BIK: variants seen among roughly 807,000 people sequenced by gnomAD.
The protein encoded by BIK is bcl-2-interacting killer.
Under a neutral mutation model 12.1 loss-of-function variants are expected in BIK, and 14 were observed. That is an observed-to-expected ratio of 1.16 (90% CI 0.77 to 1.81). The LOEUF is 1.81. Ranked by LOEUF, BIK falls within the 40% of genes most tolerant of loss-of-function variation. The probability of loss-of-function intolerance (pLI) is 0.00; values close to 1 mark genes in which losing one functional copy is unlikely to be tolerated. For synonymous variants in BIK, 86 were observed against 92.3 expected, an observed-to-expected ratio of 0.93 and a Z score of 0.39; for missense variants, 215 against 207.9, an observed-to-expected ratio of 1.03 and a Z score of -0.21.
chr22:43,128,454 C>T (rs1163248313), intron 3 of BIK, 42 bp from the exon 4 acceptor site: 4 of 1,603,612 alleles, frequency 2.5e-6, no homozygotes, highest in Non-Finnish European at 3.4e-6. Flanking sequence ...CCTACCTGCT[C>T]CTGCAGTAAT....
Position 43,128,741 on chromosome 22 carries a change from T to C in BIK, c.390+116T>C. On this transcript the variant is annotated intron_variant, in intron 4 of 4. Coordinates refer to ENST00000216115, the MANE Select transcript of BIK (RefSeq NM_001197.5). ...TCCGTATCATCATCTGTGTCACCTG[T>C]GTCCACATCTGCCTGATCCCATGGG... 2.9e-6 allele frequency: 4 copies of C among 1,399,274 alleles called. No individual in the cohort carries two copies. The South Asian group carries it at 4.2e-5, about 15-fold the overall frequency. 86.7% of individuals were successfully genotyped at this position (1,399,274 alleles called of 1,614,324 possible). A position where few individuals can be genotyped will look rare whatever the true frequency, so the allele number is the denominator to read the frequency against.
chr22:43,116,387 C>T (rs543838724), intron 1 of BIK, among the ~76,000 whole-genome samples: 50 of 152,104 alleles, frequency 3.3e-4, no homozygotes, highest in Non-Finnish European at 5.1e-4. Context: ...GTGATCCTTT[C>T]GCCTTGTGCT....
At chr22:43,124,211 C>A in intron 2 of BIK, 28 bp downstream of exon 2, 1 of 1,610,872 alleles carries the variant, frequency 6.2e-7, no homozygotes, top group Non-Finnish European at 8.5e-7. Context: ...GCCCTACCCC[C>A]TGCCTGATAG....
chr22:43,126,552 C>T (rs1413091411), intron 2 of BIK, among the ~76,000 whole-genome samples: 1 of 152,138 alleles, frequency 6.6e-6, no homozygotes, highest in African/African-American at 2.4e-5. Flanking sequence ...AGCAGCTGAC[C>T]TCAGTAGTTT....
At chr22:43,112,306 C>T (rs1217996562) in intron 1 of BIK, among the ~76,000 whole-genome samples, 1 of 152,126 alleles carries the variant, frequency 6.6e-6, no homozygotes. Context: ...TCAAACGGTT[C>T]TCCTGCCTCA....
At chr22:43,124,919 G>A (rs1272505982) in intron 2 of BIK, among the ~76,000 whole-genome samples, 1 of 152,178 alleles carries the variant, frequency 6.6e-6, no homozygotes, top group Non-Finnish European at 1.5e-5. Context: ...TCTATAGGCA[G>A]AGCAGCGGCA....
rs756641544 is a variant in BIK at position 43,127,701 on chromosome 22, G to A, written c.166G>A (p.Ala56Thr). The A allele has an allele frequency of 1.5e-5, 24 of 1,553,504 alleles. No homozygotes were observed. The highest frequency in any genetic ancestry group is 1.4e-4 in the Admixed American group (7 of 51,652). The change falls in exon 3 of 5, where the codon GCA (alanine) becomes ACA (threonine). Residue 56 changes from alanine (A) to threonine (T), a missense_variant. Physicochemically the swap from Ala to Thr is moderately conservative, Grantham distance 58. Transcript: ENST00000216115. ...TCCTGTGTGTGCTCCCTGCAGTGAC[G>A]CATTGGCCCTGCGGCTGGCCTGCAT... ...DSLECMEGSD[A>T]LALRLACIGD...
Position 43,129,475 on chromosome 22 carries a change from TTTTTTTATTCCAG to T in BIK, c.*175_*187del. On this transcript the variant is annotated 3_prime_UTR_variant, in exon 5 of 5. Transcript: ENST00000216115. ...GGTTTTATACTCAGGTTTTTTGTTT[TTTTTTTATTCCAG>T]TTTTCGTTTTTTCTAAAAGATGAAT... 8.5e-7 allele frequency: 1 copy of T among 1,175,002 alleles called. No homozygotes were observed. The highest frequency in any genetic ancestry group is 1.7e-5 in the South Asian group (1 of 58,720). 72.8% of individuals were successfully genotyped at this position (1,175,002 alleles called of 1,614,324 possible).
chr22:43,117,184 C>T (rs1417958144), intron 1 of BIK, among the ~76,000 whole-genome samples: 1 of 152,134 alleles, frequency 6.6e-6, no homozygotes, highest in East Asian at 1.9e-4. Flanking sequence ...ACGGAGGTCT[C>T]CCAGGCCCAG....
At chr22:43,114,553 A>G (rs1930073433) in intron 1 of BIK, among the ~76,000 whole-genome samples, 1 of 152,148 alleles carries the variant, frequency 6.6e-6, no homozygotes, top group Non-Finnish European at 1.5e-5. Flanking sequence ...CGCCCGCCTC[A>G]GCCTCCCAAA....
rs145892005 is a variant in BIK, at chr22:43,117,176, G to A, written c.-8+6373G>A. On this transcript the variant is annotated intron_variant, in intron 1 of 4. Coordinates refer to ENST00000216115, the MANE Select transcript of BIK (RefSeq NM_001197.5). ...GGCTTCAGTTTCCACTGTGACGGACGGAGGTCTCCCAGGCCCAGCCCAGGC... is the reference window on the plus strand; with the variant it reads ...GGCTTCAGTTTCCACTGTGACGGACAGAGGTCTCCCAGGCCCAGCCCAGGC... 7.0e-4 allele frequency among the ~76,000 whole-genome samples: 106 copies of A among 152,248 alleles called. 1 individual carries two copies. In the East Asian group the frequency reaches 0.019, roughly 27 times the overall value.
chr22:43,114,228 C>G (rs767992195), intron 1 of BIK, among the ~76,000 whole-genome samples: 1 of 152,156 alleles, frequency 6.6e-6, no homozygotes, highest in Non-Finnish European at 1.5e-5. Context: ...AAAAGCCATG[C>G]AGCAAAGAGA....
At chr22:43,118,150 G>A (rs73886403) in intron 1 of BIK, among the ~76,000 whole-genome samples, 1,849 of 152,124 alleles carry the variant, frequency 0.012, 39 homozygotes, top group African/African-American at 0.043. Flanking sequence ...TTTCAAGGCT[G>A]CCAGGTCCAT....
At chr22:43,117,313 CT>C (rs1000577690) in intron 1 of BIK, among the ~76,000 whole-genome samples, 4 of 145,682 alleles carry the variant, frequency 2.7e-5, no homozygotes, top group African/African-American at 2.5e-5. Context: ...AGTGAGCTGT[CT>C]TTTTTTTTTC....
rs1930399167 is a variant in BIK, at chr22:43,129,539, G to A, written c.*234G>A. ...TCCTATGGCTCTGCAATTGTCACCG[G>A]TTAACTGTGGCCTGTGCCCAGGAAG... On this transcript the variant is annotated 3_prime_UTR_variant, in exon 5 of 5. Transcript: ENST00000216115. The A allele has an allele frequency of 8.7e-6, 6 of 690,446 alleles. No individual in the cohort carries two copies. The highest frequency in any genetic ancestry group is 2.1e-5 in the South Asian group (1 of 48,608). The allele number at this position is 690,446 out of a possible 1,614,324, so 42.8% of individuals were successfully genotyped here.
chr22:43,119,977 AT>A (rs1569465733), intron 1 of BIK, among the ~76,000 whole-genome samples: 1 of 152,216 alleles, frequency 6.6e-6, no homozygotes, highest in Non-Finnish European at 1.5e-5. Flanking sequence ...TGTGAAAAAA[AT>A]AATAATAAAA....
intron 1 of BIK, among the ~76,000 whole-genome samples, chr22:43,116,109 T>C (rs1422190662): frequency 6.6e-6 from 1 of 152,142 alleles, no homozygotes; most frequent in East Asian, 1.9e-4. Context: ...TAGGCCCAGG[T>C]GGTGGCTTGG....
chr22:43,114,237 GAGAA>G lies in BIK; in HGVS notation c.-8+3436_-8+3439del, dbSNP rs1380436175. On this transcript the variant is annotated intron_variant, in intron 1 of 4. Transcript: ENST00000216115. ...AAACTGAAAAGCCATGCAGCAAAGA[GAGAA>G]AAGCTCACTTGTTTATTTGAGTGAG... Among the ~76,000 whole-genome samples, 8 of 152,272 alleles carry G rather than the reference GAGAA, an allele frequency of 5.3e-5. No individual in the cohort carries two copies. The East Asian group carries it at 1.5e-3, about 29-fold the overall frequency.
intron 2 of BIK, among the ~76,000 whole-genome samples, chr22:43,127,246 C>G (rs1930334606): frequency 6.6e-6 from 1 of 152,058 alleles, no homozygotes; most frequent in Non-Finnish European, 1.5e-5. Context: ...TCTTAGAGCC[C>G]CCTCACCTCC....
Sources: gnomAD v4.1 joint callset for allele counts (sites outside exome capture counted in the v4.1 genomes callset) on GRCh38, gnomAD v4.1.1 for gene constraint, MANE v1.5 for transcripts, NCBI Gene and HGNC (gene_info 2026-07-23, HGNC 2026-07-21) for gene names.